Variants in SHANK2 observed in about 807,000 individuals in gnomAD.
SHANK2 encodes the protein SH3 and multiple ankyrin repeat domains protein 2.
Under a neutral mutation model 133.7 loss-of-function variants are expected in SHANK2, and 43 were observed. That is an observed-to-expected ratio of 0.32 (90% CI 0.25 to 0.41). SHANK2 has a LOEUF of 0.41. Among genes scored for constraint, SHANK2 ranks in the 10% least tolerant of loss-of-function variants. SHANK2 has a pLI of 1.00. For synonymous variants in SHANK2, 1,017 were observed against 952.8 expected, an observed-to-expected ratio of 1.07 and a Z score of -1.24; for missense variants, 1,994 against 2,235.8, an observed-to-expected ratio of 0.89 and a Z score of 2.18.
chr11:71,144,439 T>G (rs1555106339), intron 3 of SHANK2, among the ~76,000 whole-genome samples: 2 of 152,096 alleles, frequency 1.3e-5, no homozygotes, highest in African/African-American at 4.8e-5. Flanking sequence ...ATTCCAGAGC[T>G]CCAGGGAATG....
chr11:70,659,136 G>A (rs972867021), intron 17 of SHANK2, among the ~76,000 whole-genome samples: 15 of 152,084 alleles, frequency 9.9e-5, no homozygotes, highest in African/African-American at 3.1e-4. Context: ...CGAACCCCTC[G>A]CACACACCAA....
intron 15 of SHANK2, among the ~76,000 whole-genome samples, chr11:70,681,239 G>A (rs1171763124): frequency 6.6e-6 from 1 of 152,108 alleles, no homozygotes; most frequent in African/African-American, 2.4e-5. Context: ...CTTTTCTCTT[G>A]GCAAAGTCTG....
intron 14 of SHANK2, among the ~76,000 whole-genome samples, chr11:70,756,772 T>C (rs1356131217): frequency 1.3e-5 from 2 of 152,178 alleles, no homozygotes; most frequent in Non-Finnish European, 2.9e-5. Flanking sequence ...TATTCTGACA[T>C]ACGGAATTTT....
Position 70,653,003 on chromosome 11 carries a change from C to T in SHANK2, c.2061+6825G>A, listed in dbSNP as rs528058185. ...TTTCTCTTTTTTTGAGATGGAGTCT[C>T]GCTCTGTCACCCAGGCTGGAGTGCA... On this transcript the variant is annotated intron_variant, in intron 17 of 25. Coordinates refer to ENST00000601538, the MANE Select transcript of SHANK2 (RefSeq NM_012309.5). Among the ~76,000 whole-genome samples, 7 of 152,100 alleles carry T rather than the reference C, an allele frequency of 4.6e-5. No homozygotes were observed. In the South Asian group the frequency reaches 6.3e-4, roughly 14 times the overall value.
intron 14 of SHANK2, among the ~76,000 whole-genome samples, chr11:70,763,692 A>G (rs1947044509): frequency 6.6e-6 from 1 of 152,176 alleles, no homozygotes; most frequent in Admixed American, 6.5e-5. Flanking sequence ...TGCCCGATGC[A>G]TAATGGTCTG....
At chr11:70,799,530 C>G (rs1947996874) in intron 13 of SHANK2, among the ~76,000 whole-genome samples, 1 of 152,246 alleles carries the variant, frequency 6.6e-6, no homozygotes, top group African/African-American at 2.4e-5. Context: ...AAACCTCACA[C>G]AGTCAGCACC....
At chr11:70,605,046 C>T (rs2136344223) in intron 17 of SHANK2, among the ~76,000 whole-genome samples, 1 of 152,332 alleles carries the variant, frequency 6.6e-6, no homozygotes, top group Admixed American at 6.5e-5. Flanking sequence ...GGTCAGGCAG[C>T]CTGGGGCAGG....
intron 17 of SHANK2, among the ~76,000 whole-genome samples, chr11:70,521,574 G>A (rs548298038): frequency 1.3e-5 from 2 of 152,266 alleles, no homozygotes; most frequent in South Asian, 2.1e-4. Context: ...ATTAAAACAA[G>A]TTATTTTGGT....
intron 8 of SHANK2, among the ~76,000 whole-genome samples, chr11:71,090,171 C>CTTGT (rs1951481977): frequency 2.0e-5 from 1 of 50,932 alleles, no homozygotes; most frequent in African/African-American, 1.0e-4. Flanking sequence ...AGAAACACAA[C>CTTGT]CTGTGTGTGT....
chr11:70,859,075 G>A (rs1949215903), intron 11 of SHANK2, among the ~76,000 whole-genome samples: 1 of 152,200 alleles, frequency 6.6e-6, no homozygotes, highest in South Asian at 2.1e-4. Flanking sequence ...TAGATGAATG[G>A]AGAGGTGAGT....
rs61885479 is a variant in SHANK2, at chr11:70,818,793, G to A, written c.1493+1571C>T. Among the ~76,000 whole-genome samples, 701 of 152,334 alleles carry A rather than the reference G, an allele frequency of 4.6e-3. 1 individual carries two copies. Among genetic ancestry groups the A allele is most frequent in the Non-Finnish European group, 7.6e-3 (520 of 68,036 alleles). On this transcript the variant is annotated intron_variant, in intron 12 of 25. Coordinates refer to ENST00000601538, the MANE Select transcript of SHANK2 (RefSeq NM_012309.5). ...AGGATCAGGCCTCGACCCTGTCTAG[G>A]GGCCGGGAGAAGTGGGCTCTCACCG...
chr11:70,757,984 G>A (rs1159751228), intron 14 of SHANK2, among the ~76,000 whole-genome samples: 2 of 152,180 alleles, frequency 1.3e-5, no homozygotes, highest in African/African-American at 4.8e-5. Flanking sequence ...AGAACTAGAT[G>A]GATTTCCTAG....
At chr11:70,846,622 T>A (rs1371874775) in intron 11 of SHANK2, among the ~76,000 whole-genome samples, 4 of 152,184 alleles carry the variant, frequency 2.6e-5, no homozygotes, top group Non-Finnish European at 4.4e-5. Flanking sequence ...TCCCAAGCCC[T>A]GCTCTCAGCA....
At chr11:70,840,734 A>T (rs540098393) in intron 11 of SHANK2, among the ~76,000 whole-genome samples, 61 of 152,268 alleles carry the variant, frequency 4.0e-4, no homozygotes, top group African/African-American at 1.4e-3. Flanking sequence ...GGGGGGCCAT[A>T]TCGGGAGGCT....
chr11:70,749,006 GCGAC>G (rs2307696), intron 14 of SHANK2, among the ~76,000 whole-genome samples: 65,617 of 151,668 alleles, frequency 0.43, 14,466 homozygotes, highest in African/African-American at 0.52. Context: ...CACACACACA[GCGAC>G]CGACCTGAGG....
At chr11:70,592,839 G>A (rs1446731590) in intron 17 of SHANK2, among the ~76,000 whole-genome samples, 7 of 152,184 alleles carry the variant, frequency 4.6e-5, no homozygotes, top group African/African-American at 1.4e-4. Context: ...TCAGGGACCC[G>A]ATGTCCAGCA....
intron 9 of SHANK2, among the ~76,000 whole-genome samples, chr11:71,066,922 G>A (rs1037990744): frequency 9.2e-5 from 14 of 152,094 alleles, no homozygotes; most frequent in Non-Finnish European, 1.0e-4. Context: ...CCTGACCTGT[G>A]CCCAGTAGAG....
At chr11:70,823,690 A>G (rs1286731476) in intron 11 of SHANK2, among the ~76,000 whole-genome samples, 23 of 147,898 alleles carry the variant, frequency 1.6e-4, no homozygotes, top group Admixed American at 2.7e-4. Flanking sequence ...TGGCGCTGGC[A>G]GAACTCATGA....
intron 11 of SHANK2, among the ~76,000 whole-genome samples, chr11:70,851,502 T>G (rs1414033535): frequency 1.3e-5 from 2 of 152,204 alleles, no homozygotes; most frequent in Non-Finnish European, 2.9e-5. Flanking sequence ...TCCTTTCTGC[T>G]GATTGGAATG....
Sources: allele counts gnomAD v4.1 joint callset (sites outside exome capture counted in the v4.1 genomes callset), GRCh38; gene constraint gnomAD v4.1.1; transcripts MANE v1.5; gene names NCBI Gene and HGNC (gene_info 2026-07-23, HGNC 2026-07-21).